RHOH: variants seen among roughly 807,000 people sequenced by gnomAD.
RHOH encodes ras homolog family member H.
In RHOH, 6 loss-of-function variants were observed where a neutral mutation model predicts 13.8. That is an observed-to-expected ratio of 0.44 (90% CI 0.24 to 0.86). The LOEUF (loss-of-function observed/expected upper bound fraction) is 0.86. Ranked by LOEUF, RHOH falls within the 40% of genes least tolerant of loss-of-function variation. The pLI is 0.24. For synonymous variants in RHOH, 117 were observed against 103.0 expected (o/e 1.14, Z -0.82); for missense variants, 147 against 244.5 (o/e 0.60, Z 2.66).
intron 1 of RHOH, among the ~76,000 whole-genome samples, chr4:40,235,590 CA>C (rs34336418): frequency 2.3e-3 from 171 of 74,804 alleles, no homozygotes; most frequent in East Asian, 5.9e-3. Context: ...AACTTCATCT[CA>C]AAAAAAAAAA....
At chr4:40,221,623 G>A (rs1406062203) in intron 1 of RHOH, among the ~76,000 whole-genome samples, 1 of 152,098 alleles carries the variant, frequency 6.6e-6, no homozygotes, top group Non-Finnish European at 1.5e-5. Flanking sequence ...AATGTTGTAC[G>A]TGTTCTGACT....
At chr4:40,223,749 A>T (rs1726875442) in intron 1 of RHOH, among the ~76,000 whole-genome samples, 1 of 147,562 alleles carries the variant, frequency 6.8e-6, no homozygotes, top group Non-Finnish European at 1.5e-5. Context: ...GACATCATGT[A>T]TAGTGTAAAC....
At chr4:40,242,989 GTGTGTGT>G in intron 2 of RHOH, 155 bp downstream of exon 2, 1 of 139,364 alleles carries the variant, frequency 7.2e-6, no homozygotes, top group Non-Finnish European at 1.5e-5. Context: ...GTGTGTGTGT[GTGTGTGT>G]TGGGGGAAGA....
intron 1 of RHOH, among the ~76,000 whole-genome samples, chr4:40,219,191 C>T (rs1291753111): frequency 6.6e-6 from 1 of 152,050 alleles, no homozygotes; most frequent in Non-Finnish European, 1.5e-5. Flanking sequence ...GTGGGTGGAT[C>T]ACCTGAAGTC....
chr4:40,202,086 G>A (rs183616410), intron 1 of RHOH, among the ~76,000 whole-genome samples: 6 of 151,796 alleles, frequency 4.0e-5, no homozygotes, highest in African/African-American at 1.2e-4. Flanking sequence ...AAGTAGCTGG[G>A]ACCACAGGCG....
chr4:40,243,497 G>A lies in RHOH; in HGVS notation c.111G>A (p.Val37=), dbSNP rs745403051. The part of the protein sequence containing the change: ...ETFPEAYKPT[V]YENTGVDVFM... ...TCCCGGAGGCCTACAAGCCCACAGT[G>A]TACGAGAACACAGGGGTGGACGTCT... The change falls in exon 3 of 3, where the codon GTG becomes GTA. Residue 37 remains valine (V), a synonymous_variant. Transcript: ENST00000381799. The surrounding 1 kb of genome is among the most constrained non-coding windows in gnomAD (Gnocchi z 6.2). The A allele has an allele frequency of 6.2e-7, 1 of 1,613,926 alleles. No individual in the cohort carries two copies. The highest frequency in any genetic ancestry group is 1.7e-5 in the Admixed American group (1 of 59,996).
intron 1 of RHOH, among the ~76,000 whole-genome samples, chr4:40,236,883 A>G (rs554435534): frequency 6.6e-6 from 1 of 152,328 alleles, no homozygotes; most frequent in African/African-American, 2.4e-5. Context: ...ATTATGGTGA[A>G]ATACGGAACT....
At chr4:40,227,102 T>C (rs777612561) in intron 1 of RHOH, among the ~76,000 whole-genome samples, 21 of 152,122 alleles carry the variant, frequency 1.4e-4, no homozygotes, top group South Asian at 6.2e-4. Context: ...GAGGTTGCAG[T>C]GAGCCGATCT....
upstream of RHOH, among the ~76,000 whole-genome samples, chr4:40,195,005 G>A (rs951000275): frequency 2.6e-5 from 4 of 152,110 alleles, no homozygotes; most frequent in African/African-American, 9.7e-5. Context: ...ATGTGTTTAT[G>A]TTTCTCCCGC....
At chr4:40,207,160 C>T (rs1393079020) in intron 1 of RHOH, among the ~76,000 whole-genome samples, 1 of 150,914 alleles carries the variant, frequency 6.6e-6, no homozygotes, top group East Asian at 1.9e-4. Context: ...GAGCAGAGAT[C>T]GTGCCACTGC....
At chr4:40,235,961 C>T (rs536729507) in intron 1 of RHOH, among the ~76,000 whole-genome samples, 1 of 121,832 alleles carries the variant, frequency 8.2e-6, no homozygotes, top group African/African-American at 3.9e-5. Flanking sequence ...CAGCCTGGCA[C>T]ACAGAGTAAG....
intron 1 of RHOH, among the ~76,000 whole-genome samples, chr4:40,238,386 T>G (rs76882225): frequency 2.0e-5 from 3 of 152,172 alleles, no homozygotes; most frequent in African/African-American, 7.2e-5. Context: ...GCCGTTAGAA[T>G]TGAGGCCAAA....
At chr4:40,215,181 A>T (rs971510969) in intron 1 of RHOH, among the ~76,000 whole-genome samples, 2 of 152,206 alleles carry the variant, frequency 1.3e-5, no homozygotes, top group African/African-American at 4.8e-5. Flanking sequence ...CTTACGAGAC[A>T]TCAGGGGTAT....
At chr4:40,204,588 CCATT>C (rs1724418585) in intron 1 of RHOH, among the ~76,000 whole-genome samples, 2 of 152,106 alleles carry the variant, frequency 1.3e-5, no homozygotes, top group Non-Finnish European at 2.9e-5. Context: ...CCTCTAAAAC[CCATT>C]CATGGACTCT....
chr4:40,235,239 C>T (rs1323865451), intron 1 of RHOH: 1 of 152,218 alleles, frequency 6.6e-6, no homozygotes, highest in South Asian at 2.1e-4. Flanking sequence ...TTTTCACAAA[C>T]TGCACACACT....
chr4:40,240,052 C>G (rs1394912751), intron 1 of RHOH: 1 of 152,182 alleles, frequency 6.6e-6, no homozygotes, highest in African/African-American at 2.4e-5. Flanking sequence ...TTGGGCAGCT[C>G]AGATTCAATG....
At chr4:40,226,539 A>AG (rs1727268404) in intron 1 of RHOH, among the ~76,000 whole-genome samples, 1 of 150,924 alleles carries the variant, frequency 6.6e-6, no homozygotes, top group Non-Finnish European at 1.5e-5. Flanking sequence ...AAAAAAAAAA[A>AG]AAAAAAGAAA....
At chr4:40,223,557 C>G (rs570704485) in intron 1 of RHOH, among the ~76,000 whole-genome samples, 2 of 148,406 alleles carry the variant, frequency 1.3e-5, no homozygotes, top group African/African-American at 2.5e-5. Context: ...TGTAGCCTCC[C>G]GGAGTCAAGT....
At chr4:40,231,249 C>T (rs929396549) in intron 1 of RHOH, among the ~76,000 whole-genome samples, 1 of 150,264 alleles carries the variant, frequency 6.7e-6, no homozygotes, top group South Asian at 2.1e-4. Context: ...TAGACCCGTA[C>T]GATGTTATGT....
Sources: gnomAD v4.1 joint callset for allele counts (sites outside exome capture counted in the v4.1 genomes callset) on GRCh38, gnomAD v4.1.1 for gene constraint, Gnocchi (gnomAD v3.1) non-coding constraint, MANE v1.5 for transcripts, NCBI Gene and HGNC (gene_info 2026-07-23, HGNC 2026-07-21) for gene names.